CADPS: variants seen among roughly 807,000 people sequenced by gnomAD.
CADPS encodes the protein calcium dependent secretion activator.
In CADPS, 57 loss-of-function variants were observed where a neutral mutation model predicts 167.3. That is an observed-to-expected ratio of 0.34 (90% CI 0.28 to 0.42). CADPS has a LOEUF of 0.42. Ranked by LOEUF, CADPS falls within the 20% of genes least tolerant of loss-of-function variation. The pLI is 1.00. For missense variants in CADPS, 1,414 were observed against 1,738.1 expected (o/e 0.81, Z 3.32); for synonymous variants, 676 against 635.3 (o/e 1.06, Z -0.96).
intron 27 of CADPS, 25 bp downstream of exon 27, chr3:62,445,740 T>C (rs6791296): frequency 0.86 from 1,207,349 of 1,397,976 alleles, 523,925 homozygotes; most frequent in Non-Finnish European, 0.88. Context: ...AAAAACCCCA[T>C]GAGAAACAAT....
chr3:62,425,264 A>G (rs2149489169), intron 28 of CADPS, among the ~76,000 whole-genome samples: 1 of 152,222 alleles, frequency 6.6e-6, no homozygotes, highest in South Asian at 2.1e-4. Context: ...ATTATTTGTT[A>G]TGGGGGGGCT....
At chr3:62,644,961 CT>C (rs1361990153) in intron 6 of CADPS, among the ~76,000 whole-genome samples, 1 of 152,168 alleles carries the variant, frequency 6.6e-6, no homozygotes, top group Non-Finnish European at 1.5e-5. Context: ...ACAGCAGTGA[CT>C]ACTTTCCTTT....
intron 17 of CADPS, among the ~76,000 whole-genome samples, chr3:62,503,285 C>G (rs1450359931): frequency 1.3e-5 from 2 of 152,216 alleles, no homozygotes; most frequent in Non-Finnish European, 2.9e-5. Flanking sequence ...CCATATGTTA[C>G]TTACTTTCTA....
intron 4 of CADPS, among the ~76,000 whole-genome samples, chr3:62,651,787 G>C (rs1436915268): frequency 6.6e-6 from 1 of 152,082 alleles, no homozygotes; most frequent in Non-Finnish European, 1.5e-5. Context: ...ATGTGCTTTG[G>C]ATCAATCACC....
intron 7 of CADPS, among the ~76,000 whole-genome samples, chr3:62,588,195 A>C (rs995469647): frequency 6.6e-6 from 1 of 151,886 alleles, no homozygotes; most frequent in African/African-American, 2.4e-5. Context: ...CTTAGCCTAT[A>C]TCTCTTCAGT....
chr3:62,596,808 T>A (rs182419162), intron 6 of CADPS, among the ~76,000 whole-genome samples: 6 of 152,250 alleles, frequency 3.9e-5, no homozygotes, highest in Admixed American at 3.9e-4. Flanking sequence ...CACTGCCCTT[T>A]CTACTACACA....
intron 13 of CADPS, among the ~76,000 whole-genome samples, chr3:62,529,118 G>T (rs1323433115): frequency 6.6e-6 from 1 of 152,148 alleles, no homozygotes; most frequent in Non-Finnish European, 1.5e-5. Flanking sequence ...CTGAGATCAT[G>T]CCATTGCACT....
At chr3:62,512,830 A>G in intron 16 of CADPS, 62 bp from the exon 17 acceptor site, 1 of 1,446,348 alleles carries the variant, frequency 6.9e-7, no homozygotes, top group Non-Finnish European at 9.6e-7. Context: ...CATATGCAGA[A>G]TTAATGAGCA....
At position 62,874,799 on chromosome 3, in the gene CADPS, C is replaced by G. The variant is rs576221902; in HGVS notation, c.231G>C (p.Gly77=). The part of the protein sequence containing the change: ...SGASSGGGAG[G]LQPSSRAGGG... The stretch of plus-strand genomic sequence containing the variant: ...CGCCAGCGCGGCTGCTGGGTTGCAG[C>G]CCCCCGGCCCCGCCGCCGCTGCTCG... The change falls in exon 1 of 30, where the codon GGG becomes GGC. Residue 77 remains glycine, a synonymous_variant. Coordinates refer to ENST00000383710, the MANE Select transcript of CADPS (RefSeq NM_003716.4). This position sits in a 1 kb window ranked among gnomAD's most constrained non-coding sequence, Gnocchi z 7.1. 2 of 1,191,092 alleles carry G rather than the reference C, an allele frequency of 1.7e-6. No individual in the cohort carries two copies. The highest frequency in any genetic ancestry group is 3.8e-5 in the Admixed American group (1 of 26,322). The allele number at this position is 1,191,092 out of a possible 1,614,324, so 73.8% of individuals were successfully genotyped here.
At chr3:62,572,492 C>G (rs1178729276) in intron 8 of CADPS, among the ~76,000 whole-genome samples, 2 of 152,102 alleles carry the variant, frequency 1.3e-5, no homozygotes, top group Admixed American at 1.3e-4. Context: ...TCTTATCATG[C>G]CTTTTCCAAG....
Position 62,537,568 on chromosome 3 carries a change from T to C in CADPS, c.1967-987A>G, listed in dbSNP as rs17066540. On this transcript the variant is annotated intron_variant, in intron 11 of 29. Coordinates refer to ENST00000383710, the MANE Select transcript of CADPS (RefSeq NM_003716.4). ...GACTTTGGAGAAAAAGAATCTTCTA[T>C]CAAATCTAGCAAAAGATTTTATTCA... 4.2e-3 allele frequency among the ~76,000 whole-genome samples: 639 copies of C among 152,276 alleles called. 3 individuals are homozygous for C. The highest frequency in any genetic ancestry group is 0.015 in the African/African-American group (609 of 41,566).
At chr3:62,488,436 G>A (rs72887756) in intron 21 of CADPS, among the ~76,000 whole-genome samples, 2,460 of 152,040 alleles carry the variant, frequency 0.016, 73 homozygotes, top group African/African-American at 0.055. Flanking sequence ...TACAGTGTGT[G>A]TGGTAGCTTG....
At chr3:62,736,086 G>T (rs139998081) in intron 3 of CADPS, among the ~76,000 whole-genome samples, 238 of 152,258 alleles carry the variant, frequency 1.6e-3, no homozygotes, top group African/African-American at 5.2e-3. Flanking sequence ...ATTCACATGT[G>T]GAGGTTGACA....
intron 6 of CADPS, among the ~76,000 whole-genome samples, chr3:62,628,800 T>C (rs2064664796): frequency 6.6e-6 from 1 of 152,030 alleles, no homozygotes; most frequent in Non-Finnish European, 1.5e-5. Flanking sequence ...CCAATTTTCG[T>C]ATTTTTAGTA....
At chr3:62,424,182 A>G (rs1436731105) in intron 28 of CADPS, among the ~76,000 whole-genome samples, 1 of 150,770 alleles carries the variant, frequency 6.6e-6, no homozygotes, top group East Asian at 2.0e-4. Flanking sequence ...GCAATTCTGG[A>G]TAATTCACTT....
intron 26 of CADPS, among the ~76,000 whole-genome samples, chr3:62,452,049 T>G (rs1231100656): frequency 2.0e-5 from 3 of 152,166 alleles, no homozygotes; most frequent in African/African-American, 7.2e-5. Flanking sequence ...AAAAATATAT[T>G]GAATGAATGA....
chr3:62,462,482 G>A (rs1300713845), intron 26 of CADPS, among the ~76,000 whole-genome samples: 1 of 152,250 alleles, frequency 6.6e-6, no homozygotes, highest in Non-Finnish European at 1.5e-5. Context: ...GAAAGGAGGC[G>A]CTCAGCGGGA....
intron 3 of CADPS, among the ~76,000 whole-genome samples, chr3:62,747,204 A>G (rs1481834575): frequency 6.6e-6 from 1 of 152,230 alleles, no homozygotes; most frequent in African/African-American, 2.4e-5. Flanking sequence ...TTCCGTCACT[A>G]CTTCCCATCT....
chr3:62,436,317 A>AAC (rs201968947), intron 28 of CADPS, among the ~76,000 whole-genome samples: 3 of 152,018 alleles, frequency 2.0e-5, no homozygotes, highest in Non-Finnish European at 4.4e-5. Context: ...CTCACACAAT[A>AAC]ACACACACAC....
Sources: allele counts gnomAD v4.1 joint callset (sites outside exome capture counted in the v4.1 genomes callset), GRCh38; gene constraint gnomAD v4.1.1; non-coding constraint Gnocchi (gnomAD v3.1); transcripts MANE v1.5; gene names NCBI Gene and HGNC (gene_info 2026-07-23, HGNC 2026-07-21).